SNX29: variants seen among roughly 807,000 people sequenced by gnomAD.
SNX29 encodes sorting nexin 29.
In SNX29, 78 loss-of-function variants were observed where a neutral mutation model predicts 102.1. That is an observed-to-expected ratio of 0.76 (90% confidence interval 0.64 to 0.92). The LOEUF (loss-of-function observed/expected upper bound fraction) is 0.92. Among genes scored for constraint, SNX29 ranks in the 40% least tolerant of loss-of-function variants. SNX29 has a pLI of 0.00. For missense variants in SNX29, 1,280 were observed against 1,061.7 expected (o/e 1.21, Z -2.86); for synonymous variants, 580 against 414.5 (o/e 1.40, Z -4.85).
intron 7 of SNX29, 21 bp downstream of exon 7, chr16:12,048,641 G>T (rs779107320): frequency 6.2e-7 from 1 of 1,613,938 alleles, no homozygotes. Flanking sequence ...ACGGGTGCTC[G>T]AGGCGGAGCA....
At chr16:12,390,133 G>C (rs192640486) in intron 16 of SNX29, among the ~76,000 whole-genome samples, 1 of 150,416 alleles carries the variant, frequency 6.6e-6, no homozygotes, top group Non-Finnish European at 1.5e-5. Context: ...ATGTTACCCC[G>C]TGCGTGCAAT....
intron 15 of SNX29, among the ~76,000 whole-genome samples, chr16:12,294,405 C>G (rs375433979): frequency 6.6e-6 from 1 of 152,128 alleles, no homozygotes; most frequent in African/African-American, 2.4e-5. Flanking sequence ...CATCTTCTCT[C>G]GTTCCTCCCT....
intron 14 of SNX29, among the ~76,000 whole-genome samples, chr16:12,232,038 G>A (rs1376266144): frequency 4.6e-5 from 7 of 152,140 alleles, no homozygotes; most frequent in African/African-American, 1.7e-4. Context: ...TCTCATGTCT[G>A]GGAATTGTCA....
At chr16:12,205,578 G>A (rs952527683) in intron 14 of SNX29, among the ~76,000 whole-genome samples, 5 of 151,618 alleles carry the variant, frequency 3.3e-5, no homozygotes, top group Admixed American at 6.6e-5. Flanking sequence ...CTCTTTGCAC[G>A]TGCTGCCCCT....
chr16:11,999,507 G>A, intron 2 of SNX29, 149 bp downstream of exon 2: 3 of 831,896 alleles, frequency 3.6e-6, no homozygotes, highest in Non-Finnish European at 5.6e-6. Flanking sequence ...CCCAGGAAAT[G>A]ATAGAGCAGT....
At position 12,569,207 on chromosome 16, in the gene SNX29, C is replaced by T. The variant is rs1190689403; in HGVS notation, c.*578C>T. The T allele has an allele frequency of 4.6e-6, 1 of 216,572 alleles. No homozygotes were observed. The highest frequency in any genetic ancestry group is 9.2e-6 in the Non-Finnish European group (1 of 109,204). 13.4% of individuals were successfully genotyped at this position (216,572 alleles called of 1,614,324 possible). On this transcript the variant is annotated 3_prime_UTR_variant, in exon 21 of 21. Transcript: ENST00000566228. ...AGACACCTGGCACTGTCACAGCTCACTTTTCCAGAGGGATATTCCTGTGGC... is the reference window on the plus strand; with the variant it reads ...AGACACCTGGCACTGTCACAGCTCATTTTTCCAGAGGGATATTCCTGTGGC...
At chr16:12,530,890 T>C (rs2076913906) in intron 20 of SNX29, among the ~76,000 whole-genome samples, 1 of 152,174 alleles carries the variant, frequency 6.6e-6, no homozygotes, top group Non-Finnish European at 1.5e-5. Flanking sequence ...GCTCAGTCCT[T>C]CTGAAAGGTA....
intron 15 of SNX29, among the ~76,000 whole-genome samples, chr16:12,340,640 C>T (rs1314622387): frequency 2.0e-5 from 3 of 152,140 alleles, no homozygotes; most frequent in South Asian, 2.1e-4. Flanking sequence ...CACCTGGTGG[C>T]CAGGTAGACA....
At chr16:12,089,109 AG>A (rs2151390075) in intron 11 of SNX29, among the ~76,000 whole-genome samples, 1 of 89,030 alleles carries the variant, frequency 1.1e-5, no homozygotes, top group East Asian at 3.2e-4. Context: ...GAAAGAGAGG[AG>A]AGAGAGAGAG....
rs1555458244 is a variant in SNX29 at position 12,557,023 on chromosome 16, C to CCCCT, written c.2319-11481_2319-11480insCTCC. Among the ~76,000 whole-genome samples the CCCCT allele has an allele frequency of 2.6e-4, 31 of 120,900 alleles. 1 individual carries two copies. The highest frequency in any genetic ancestry group is 2.3e-3 in the South Asian group (7 of 3,044). The allele number at this position is 120,900 out of a possible 152,430, so 79.3% of individuals were successfully genotyped here. The stretch of plus-strand genomic sequence containing the variant: ...CCACATCTGGCTAATTTACCCCCCC[C>CCCCT]CCGCCCCAAGATGAGGTCTTGCTAT... On this transcript the variant is annotated intron_variant, in intron 20 of 20. Transcript: ENST00000566228.
chr16:12,565,237 C>T (rs1031974771), intron 20 of SNX29, among the ~76,000 whole-genome samples: 5 of 152,214 alleles, frequency 3.3e-5, no homozygotes, highest in Non-Finnish European at 5.9e-5. Flanking sequence ...AGGCTGTTCT[C>T]AATCTATAAA....
chr16:12,355,875 AAG>A (rs1393351264), intron 15 of SNX29, among the ~76,000 whole-genome samples: 2,058 of 136,044 alleles, frequency 0.015, 30 homozygotes, highest in Non-Finnish European at 0.024. Flanking sequence ...AAAAAAAAAA[AAG>A]AGAGAGGAAA....
chr16:12,490,464 A>G (rs766332113), intron 19 of SNX29, among the ~76,000 whole-genome samples: 2 of 152,210 alleles, frequency 1.3e-5, no homozygotes, highest in East Asian at 1.9e-4. Context: ...GAATAGTTCA[A>G]TGTTTTCTGG....
Position 12,549,728 on chromosome 16 carries a change from A to C in SNX29, c.2319-18778A>C, listed in dbSNP as rs546298631. On this transcript the variant is annotated intron_variant, in intron 20 of 20. Coordinates refer to ENST00000566228, the MANE Select transcript of SNX29 (RefSeq NM_032167.5). ...TGGGGCCAGGAGAGTCACCCTACAA[A>C]GTGTGTTCCAGCATTTACTTTGAGA... Among the ~76,000 whole-genome samples the C allele has an allele frequency of 2.6e-3, 402 of 152,336 alleles. 1 individual carries two copies. Among genetic ancestry groups the C allele is most frequent in the African/African-American group, 9.5e-3 (393 of 41,586 alleles).
At chr16:12,376,513 A>C (rs1223537806) in intron 16 of SNX29, among the ~76,000 whole-genome samples, 1 of 151,990 alleles carries the variant, frequency 6.6e-6, no homozygotes, top group Admixed American at 6.6e-5. Context: ...AGGCAGGTGG[A>C]TCATTTGAGG....
intron 8 of SNX29, chr16:12,053,065 T>A (rs2050370691): frequency 6.6e-6 from 1 of 151,742 alleles, no homozygotes; most frequent in African/African-American, 2.4e-5. Flanking sequence ...CCAAGGTGGG[T>A]GGATCACCTG....
At chr16:12,491,505 C>T (rs12444958) in intron 19 of SNX29, among the ~76,000 whole-genome samples, 3 of 151,174 alleles carry the variant, frequency 2.0e-5, no homozygotes, top group East Asian at 1.9e-4. Context: ...TTTGTTGCTG[C>T]TGTTGTTTTT....
chr16:12,403,592 G>T lies in SNX29; in HGVS notation c.2037+63G>T, dbSNP rs976536526. 2.7e-6 allele frequency: 4 copies of T among 1,494,232 alleles called. No homozygotes were observed. The Admixed American group carries it at 5.8e-5, about 22-fold the overall frequency. 92.6% of individuals were successfully genotyped at this position (1,494,232 alleles called of 1,614,324 possible). A position where few individuals can be genotyped will look rare whatever the true frequency, so the allele number is the denominator to read the frequency against. On this transcript the variant is annotated intron_variant, in intron 18 of 20. Coordinates refer to ENST00000566228, the MANE Select transcript of SNX29 (RefSeq NM_032167.5). ...TGGAAAAACGCCCATTTGTCATGCT[G>T]TGGTGCTTTTTGCCTCTTGGTGGTG... is the stretch of plus-strand genomic sequence containing the variant.
intron 20 of SNX29, among the ~76,000 whole-genome samples, chr16:12,551,139 G>A (rs2077950747): frequency 6.6e-6 from 1 of 152,084 alleles, no homozygotes; most frequent in East Asian, 1.9e-4. Flanking sequence ...GTCCACAGCT[G>A]CCAGGAGAAT....
Sources: allele counts gnomAD v4.1 joint callset (sites outside exome capture counted in the v4.1 genomes callset), GRCh38; gene constraint gnomAD v4.1.1; transcripts MANE v1.5; gene names NCBI Gene and HGNC (gene_info 2026-07-23, HGNC 2026-07-21).